The following KIFBP variants were observed in gnomAD, a reference collection of about 807,000 sequenced individuals.
KIFBP encodes KIF-binding protein.
Under a neutral mutation model 58.9 loss-of-function variants are expected in KIFBP, and 46 were observed. The ratio of observed to expected loss-of-function variants is 0.78; its 90% confidence interval spans 0.62 to 1.00. The LOEUF is 1.00. Ranked by LOEUF, KIFBP falls within the 50% of genes least tolerant of loss-of-function variation. The pLI, the probability that KIFBP is intolerant of heterozygous loss-of-function variation, is 0.00. For synonymous variants in KIFBP, 241 were observed against 283.4 expected (o/e 0.85, Z 1.50); for missense variants, 651 against 752.9 (o/e 0.86, Z 1.58).
intron 6 of KIFBP, among the ~76,000 whole-genome samples, chr10:69,013,056 A>AG (rs756939031): frequency 4.6e-5 from 7 of 151,930 alleles, no homozygotes; most frequent in Non-Finnish European, 7.4e-5. Context: ...GAGAGGGCAA[A>AG]GGGGGAAATG....
At chr10:68,999,623 G>T (rs1843442945) in intron 1 of KIFBP, 1 of 152,118 alleles carries the variant, frequency 6.6e-6, no homozygotes, top group African/African-American at 2.4e-5. Context: ...TCACATGGTT[G>T]TTGGCAGGAT....
At chr10:69,008,391 A>AAT (rs1173764355) in intron 4 of KIFBP, among the ~76,000 whole-genome samples, 2,864 of 71,514 alleles carry the variant, frequency 0.04, 120 homozygotes, top group Non-Finnish European at 0.048. Context: ...AAAAAAAAAA[A>AAT]ATATATATAT....
At chr10:69,002,233 C>T (rs1044436108) in intron 2 of KIFBP, among the ~76,000 whole-genome samples, 1 of 151,346 alleles carries the variant, frequency 6.6e-6, no homozygotes, top group Admixed American at 6.6e-5. Flanking sequence ...GATCTCGGCT[C>T]ACTGCAACCT....
intron 4 of KIFBP, 39 bp from the exon 5 acceptor site, chr10:69,008,802 T>C (rs764846389): frequency 9.1e-6 from 13 of 1,420,934 alleles, no homozygotes; most frequent in Non-Finnish European, 1.3e-5. Context: ...AATAAAGCTG[T>C]GTGATAGTTG....
At chr10:69,015,427 A>T in intron 6 of KIFBP, 114 bp from the exon 7 acceptor site, 1 of 995,268 alleles carries the variant, frequency 1.0e-6, no homozygotes, top group East Asian at 2.5e-5. Context: ...CTTCTAAACC[A>T]GGCTGGAAAG....
chr10:68,989,318 C>A, intron 1 of KIFBP, 60 bp downstream of exon 1: 1 of 1,580,330 alleles, frequency 6.3e-7, no homozygotes, highest in Non-Finnish European at 8.6e-7. Context: ...TGGGGAGGAG[C>A]CCCTGCCAAG....
At chr10:69,009,245 G>A (rs757391062) in intron 5 of KIFBP, among the ~76,000 whole-genome samples, 16 of 152,122 alleles carry the variant, frequency 1.1e-4, no homozygotes, top group Admixed American at 5.2e-4. Flanking sequence ...GCCCACGCCT[G>A]TAATGCTAGA....
intron 2 of KIFBP, among the ~76,000 whole-genome samples, chr10:69,003,081 G>A (rs1184686954): frequency 6.7e-6 from 1 of 148,762 alleles, no homozygotes; most frequent in African/African-American, 2.5e-5. Flanking sequence ...AGCATCAATA[G>A]TATTTCATTA....
chr10:69,003,332 A>G (rs573729087), intron 2 of KIFBP, among the ~76,000 whole-genome samples: 5 of 152,226 alleles, frequency 3.3e-5, no homozygotes, highest in African/African-American at 7.2e-5. Context: ...TTACTTATCT[A>G]TTGTGTTTGC....
chr10:69,009,180 A>G (rs2132115606), intron 5 of KIFBP, among the ~76,000 whole-genome samples: 1 of 152,250 alleles, frequency 6.6e-6, no homozygotes, highest in Admixed American at 6.5e-5. Context: ...ATTTTCTTAC[A>G]TAATCATAGA....
intron 1 of KIFBP, among the ~76,000 whole-genome samples, chr10:68,995,025 A>G (rs77177164): frequency 0.038 from 5,709 of 151,742 alleles, 352 homozygotes; most frequent in African/African-American, 0.13. Context: ...TAGAAATTTT[A>G]TTTTATTTTT....
rs77804621 is a variant in KIFBP, at chr10:69,000,648, T to C, written c.525+126T>C. 517 of 715,420 alleles carry C rather than the reference T, an allele frequency of 7.2e-4. 2 individuals carry two copies. In the African/African-American group the frequency reaches 8.5e-3, roughly 12 times the overall value. 44.3% of individuals were successfully genotyped at this position (715,420 alleles called of 1,614,324 possible). ...GCCCTAGAACTTCTCTATAGAGCCA[T>C]CTGGGAAGTCACCTCATAGCTGAAA... On this transcript the variant is annotated intron_variant, in intron 2 of 6. Transcript: ENST00000361983.
intron 5 of KIFBP, 139 bp downstream of exon 5, chr10:69,009,064 G>A (rs866377511): frequency 1.2e-5 from 8 of 674,814 alleles, no homozygotes; most frequent in Middle Eastern, 3.5e-4. Context: ...TATTTTCCTC[G>A]CTTGGAATCA....
At chr10:69,010,507 G>A (rs182672265) in intron 5 of KIFBP, among the ~76,000 whole-genome samples, 2 of 152,288 alleles carry the variant, frequency 1.3e-5, no homozygotes, top group Admixed American at 6.5e-5. Context: ...TTAGCACCAG[G>A]TTCTCCACAA....
In KIFBP at chr10:69,010,965, T is replaced by C. The variant is rs1180857940; in HGVS notation, c.940T>C (p.Trp314Arg). The change falls in exon 6 of 7, where the codon TGG (tryptophan) becomes CGG (arginine). Residue 314 changes from tryptophan (W) to arginine (R), a missense_variant. Coordinates refer to ENST00000361983, the MANE Select transcript of KIFBP (RefSeq NM_015634.4). Reference protein sequence around the residue: ...HQRKGEIARCWIKYCLTLMQN... With the variant: ...HQRKGEIARCRIKYCLTLMQN... Reference sequence around the variant, plus strand: ...AAGAAAGGGGGAAATAGCAAGGTGCTGGATCAAATACTGTTTGACTCTCAT... The same window carrying C: ...AAGAAAGGGGGAAATAGCAAGGTGCCGGATCAAATACTGTTTGACTCTCAT... 2.5e-6 allele frequency: 4 copies of C among 1,614,046 alleles called. No individual in the cohort carries two copies. Among genetic ancestry groups the C allele is most frequent in the African/African-American group, 2.7e-5 (2 of 74,946 alleles).
chr10:69,000,502 T>G lies in KIFBP; in HGVS notation c.505T>G (p.Tyr169Asp). The change falls in exon 2 of 7, where the codon TAT (tyrosine) becomes GAT (aspartate). Residue 169 changes from tyrosine (Y) to aspartate (D), a missense_variant. Physicochemically the swap from Tyr to Asp is radical, Grantham distance 160. Coordinates refer to ENST00000361983, the MANE Select transcript of KIFBP (RefSeq NM_015634.4). Reference sequence around the variant, plus strand: ...TTACCTAGAGTCATCAGAAGCACTATATAATCAGTATATGAAAGAGGTATG... The same window carrying G: ...TTACCTAGAGTCATCAGAAGCACTAGATAATCAGTATATGAAAGAGGTATG... ...QAYLESSEAL[Y>D]NQYMKEVGSP... The G allele has an allele frequency of 6.2e-7, 1 of 1,602,676 alleles. No individual in the cohort carries two copies. Among genetic ancestry groups the G allele is most frequent in the Non-Finnish European group, 8.5e-7 (1 of 1,169,776 alleles).
At chr10:69,014,677 A>G (rs1050683776) in intron 6 of KIFBP, among the ~76,000 whole-genome samples, 19 of 150,972 alleles carry the variant, frequency 1.3e-4, no homozygotes, top group Non-Finnish European at 1.9e-4. Flanking sequence ...AGCTTACCCT[A>G]TTTCTTAACC....
intron 6 of KIFBP, among the ~76,000 whole-genome samples, chr10:69,014,481 G>A (rs1035614585): frequency 1.3e-5 from 2 of 152,154 alleles, no homozygotes; most frequent in African/African-American, 4.8e-5. Flanking sequence ...GAGAGGGAGT[G>A]TGATATAAGC....
At chr10:68,991,569 AG>A in intron 1 of KIFBP, 1 of 425,444 alleles carries the variant, frequency 2.4e-6, no homozygotes, top group Non-Finnish European at 5.0e-6. Context: ...CAAGTGCTGG[AG>A]GTCATCACGT....
Sources: allele counts gnomAD v4.1 joint callset (sites outside exome capture counted in the v4.1 genomes callset), GRCh38; gene constraint gnomAD v4.1.1; transcripts MANE v1.5; gene names NCBI Gene and HGNC (gene_info 2026-07-23, HGNC 2026-07-21).